NAPB: variants seen among roughly 807,000 people sequenced by gnomAD.
NAPB encodes beta-soluble NSF attachment protein.
Under a neutral mutation model 44.7 loss-of-function variants are expected in NAPB, and 26 were observed. The observed-to-expected ratio is 0.58, with a 90% confidence interval of 0.43 to 0.81. NAPB has a LOEUF of 0.81. Ranked by LOEUF, NAPB falls within the 30% of genes least tolerant of loss-of-function variation. NAPB has a pLI of 0.00. For missense variants in NAPB, 315 were observed against 356.4 expected (o/e 0.88, Z 0.94); for synonymous variants, 120 against 116.8 (o/e 1.03, Z -0.18).
intron 10 of NAPB, among the ~76,000 whole-genome samples, chr20:23,377,973 A>G (rs1203371964): frequency 6.6e-6 from 1 of 152,142 alleles, no homozygotes; most frequent in Non-Finnish European, 1.5e-5. Flanking sequence ...CCTTTCCTCT[A>G]TCACTCCTGA....
chr20:23,420,484 C>T (rs1195830767), intron 1 of NAPB, among the ~76,000 whole-genome samples: 1 of 152,154 alleles, frequency 6.6e-6, no homozygotes, highest in Admixed American at 6.5e-5. Context: ...CCGGACCGCC[C>T]CCTCCCCGGC....
At chr20:23,389,920 C>T in intron 7 of NAPB, 26 bp downstream of exon 7, 1 of 1,589,514 alleles carries the variant, frequency 6.3e-7, no homozygotes, top group Non-Finnish European at 8.6e-7. Context: ...GACAACTTCT[C>T]TCCAAGGAAA....
intron 2 of NAPB, among the ~76,000 whole-genome samples, chr20:23,397,759 T>A (rs564010817): frequency 5.3e-5 from 8 of 152,364 alleles, no homozygotes; most frequent in African/African-American, 1.9e-4. Context: ...AAAATCTGAC[T>A]GAAATTTATA....
intron 1 of NAPB, among the ~76,000 whole-genome samples, chr20:23,409,710 T>C (rs1568620267): frequency 6.6e-6 from 1 of 152,166 alleles, no homozygotes; most frequent in African/African-American, 2.4e-5. Context: ...GATAAATATA[T>C]CCACACATCC....
At chr20:23,420,332 T>C (rs769210406) in intron 1 of NAPB, among the ~76,000 whole-genome samples, 2 of 152,216 alleles carry the variant, frequency 1.3e-5, no homozygotes, top group Non-Finnish European at 2.9e-5. Context: ...CAGGAGGCTC[T>C]GGCTATCAAT....
At position 23,386,017 on chromosome 20, in the gene NAPB, T is replaced by C. The variant is rs114416162; in HGVS notation, c.561+3929A>G. Among the ~76,000 whole-genome samples the C allele has an allele frequency of 4.3e-3, 647 of 152,138 alleles. 2 individuals are homozygous for C. Among genetic ancestry groups the C allele is most frequent in the African/African-American group, 0.014 (588 of 41,520 alleles). On this transcript the variant is annotated intron_variant, in intron 7 of 10. Transcript: ENST00000377026. ...TAAAAATAAGTCAACAATAGAAAGATTACAGAAAAATCTCTGCTAGACACT... is the reference window on the plus strand; with the variant it reads ...TAAAAATAAGTCAACAATAGAAAGACTACAGAAAAATCTCTGCTAGACACT...
At chr20:23,416,571 ATATAAT>A (rs1236874991) in intron 1 of NAPB, among the ~76,000 whole-genome samples, 12 of 151,946 alleles carry the variant, frequency 7.9e-5, no homozygotes, top group African/African-American at 2.2e-4. Context: ...ATGAATAATA[ATATAAT>A]TATATTTCTT....
Position 23,421,432 on chromosome 20 carries a change from C to A in NAPB, c.-30G>T. On this transcript the variant is annotated 5_prime_UTR_variant, in exon 1 of 11. Coordinates refer to ENST00000377026, the MANE Select transcript of NAPB (RefSeq NM_022080.3). ...CCCGCCGCGGCCGCCACAGCCCCCT[C>A]AGCCGGCTCGCTGTGCGCCCAGGCG... 14 of 1,536,510 alleles carry A rather than the reference C, an allele frequency of 9.1e-6. No individual in the cohort carries two copies. Among genetic ancestry groups the A allele is most frequent in the Non-Finnish European group, 1.2e-5 (14 of 1,140,078 alleles).
chr20:23,379,375 TGAAAAG>T (rs1309609742), intron 10 of NAPB, 64 bp downstream of exon 10: 2 of 1,209,496 alleles, frequency 1.7e-6, no homozygotes, highest in Non-Finnish European at 1.2e-6. Context: ...ATTCACATAA[TGAAAAG>T]GAAAAGAAGT....
intron 1 of NAPB, among the ~76,000 whole-genome samples, chr20:23,414,633 A>C (rs1985880001): frequency 6.6e-6 from 1 of 152,226 alleles, no homozygotes; most frequent in South Asian, 2.1e-4. Flanking sequence ...ATTACTTATA[A>C]GTTCCACTTA....
At chr20:23,403,587 G>C (rs917885254) in intron 1 of NAPB, among the ~76,000 whole-genome samples, 4 of 111,008 alleles carry the variant, frequency 3.6e-5, no homozygotes, top group Non-Finnish European at 7.7e-5. Context: ...TGGGCAACAA[G>C]AGCAAAACTA....
At chr20:23,404,381 G>T (rs952745752) in intron 1 of NAPB, among the ~76,000 whole-genome samples, 2 of 152,158 alleles carry the variant, frequency 1.3e-5, no homozygotes, top group African/African-American at 4.8e-5. Context: ...GTGCACACAC[G>T]TGTTAGGAAC....
intron 1 of NAPB, 41 bp from the exon 2 acceptor site, chr20:23,403,113 C>T (rs374836867): frequency 1.4e-6 from 2 of 1,408,018 alleles, no homozygotes; most frequent in African/African-American, 1.4e-5. Flanking sequence ...CAACCATCCA[C>T]ATCTCTAATT....
Position 23,379,489 on chromosome 20 carries a change from G to T in NAPB, c.742C>A (p.Leu248Ile). ...SRECKLLKKL[L>I]EAHEEQNSEA... is the part of the protein sequence containing the mutation. ...CTGTTCTGTTCTTCATGAGCTTCTA[G>T]GAGTTTCTGGTAGCATAAAAATATT... Residue 248 changes from leucine to isoleucine, a missense_variant, in exon 10 of 11, where the codon CTA (leucine) becomes ATA (isoleucine). Physicochemically the swap from Leu to Ile is conservative, Grantham distance 5. Transcript: ENST00000377026. 1 of 1,607,180 alleles carries T rather than the reference G, an allele frequency of 6.2e-7. No homozygotes were observed.
intron 1 of NAPB, among the ~76,000 whole-genome samples, chr20:23,412,899 G>A (rs2123256566): frequency 6.6e-6 from 1 of 152,320 alleles, no homozygotes; most frequent in Non-Finnish European, 1.5e-5. Context: ...GGGAGGCTGA[G>A]GCAGGAGAAT....
chr20:23,399,017 C>T (rs1984619078), intron 2 of NAPB, among the ~76,000 whole-genome samples: 1 of 152,016 alleles, frequency 6.6e-6, no homozygotes, highest in African/African-American at 2.4e-5. Flanking sequence ...AAAGCTTCAG[C>T]TGCATCTCTT....
chr20:23,408,144 T>C (rs1402900625), intron 1 of NAPB, among the ~76,000 whole-genome samples: 4 of 152,124 alleles, frequency 2.6e-5, no homozygotes, highest in Admixed American at 6.5e-5. Flanking sequence ...AGAGGCAAAA[T>C]TCAGCTCTAA....
intron 7 of NAPB, among the ~76,000 whole-genome samples, chr20:23,383,161 A>C (rs1983173961): frequency 9.8e-6 from 1 of 101,712 alleles, no homozygotes; most frequent in Non-Finnish European, 2.3e-5. Flanking sequence ...GGTCTCAAAA[A>C]AAAAAAAAAA....
intron 1 of NAPB, among the ~76,000 whole-genome samples, chr20:23,416,529 T>C (rs1457911801): frequency 3.3e-5 from 5 of 152,090 alleles, no homozygotes. Context: ...AAATAGTAAA[T>C]GAGAGAACTT....
Sources: allele counts gnomAD v4.1 joint callset (sites outside exome capture counted in the v4.1 genomes callset), GRCh38; gene constraint gnomAD v4.1.1; transcripts MANE v1.5; gene names NCBI Gene and HGNC (gene_info 2026-07-23, HGNC 2026-07-21).